BLOC1S5: variants seen among roughly 807,000 people sequenced by gnomAD.
The protein encoded by BLOC1S5 is biogenesis of lysosomal organelles complex 1 subunit 5, also known as biogenesis of lysosome-related organelles complex 1 subunit 5.
Under a neutral mutation model 24.3 loss-of-function variants are expected in BLOC1S5, and 27 were observed. The observed-to-expected ratio is 1.11, with a 90% CI of 0.82 to 1.53. BLOC1S5 has a LOEUF of 1.53. Ranked by LOEUF, BLOC1S5 falls within the 40% of genes most tolerant of loss-of-function variation. The probability of loss-of-function intolerance (pLI) is 0.00; values close to 1 mark genes in which losing one functional copy is unlikely to be tolerated. For synonymous variants in BLOC1S5, 84 were observed against 74.5 expected (o/e 1.13, Z -0.66); for missense variants, 239 against 229.4 (o/e 1.04, Z -0.27).
intron 3 of BLOC1S5, among the ~76,000 whole-genome samples, chr6:8,029,508 C>T (rs114371129): frequency 0.019 from 2,927 of 152,228 alleles, 88 homozygotes; most frequent in African/African-American, 0.066. Flanking sequence ...TTGTGATACC[C>T]GAGGGCAGAC....
chr6:8,044,003 G>A (rs1006487864), intron 2 of BLOC1S5, among the ~76,000 whole-genome samples: 3 of 152,126 alleles, frequency 2.0e-5, no homozygotes, highest in Admixed American at 1.3e-4. Flanking sequence ...TGCCTTTCAG[G>A]CCAGGCGCGA....
intron 2 of BLOC1S5, 72 bp downstream of exon 2, chr6:8,062,462 G>T: frequency 1.1e-6 from 1 of 912,758 alleles, no homozygotes; most frequent in Non-Finnish European, 1.6e-6. Context: ...TAAAACTGGG[G>T]AATTTCTCTT....
At chr6:8,058,357 G>GAAAAAAAAAA (rs60827828) in intron 2 of BLOC1S5, among the ~76,000 whole-genome samples, 4 of 84,586 alleles carry the variant, frequency 4.7e-5, no homozygotes, top group Admixed American at 1.4e-4. Flanking sequence ...CTGTCTCTAT[G>GAAAAAAAAAA]AAAAAAAAAA....
At chr6:8,016,978 G>A (rs1457949281) in intron 4 of BLOC1S5, among the ~76,000 whole-genome samples, 1 of 151,076 alleles carries the variant, frequency 6.6e-6, no homozygotes, top group Non-Finnish European at 1.5e-5. Flanking sequence ...TTCTTGAGAT[G>A]TTCCTTAATA....
At chr6:8,051,264 T>C (rs554712988) in intron 2 of BLOC1S5, among the ~76,000 whole-genome samples, 6 of 152,150 alleles carry the variant, frequency 3.9e-5, no homozygotes, top group East Asian at 3.9e-4. Flanking sequence ...GGGAGAAAGT[T>C]TGAGTGGTCT....
chr6:8,020,143 A>C (rs980244592), intron 4 of BLOC1S5, among the ~76,000 whole-genome samples: 1 of 152,280 alleles, frequency 6.6e-6, no homozygotes, highest in African/African-American at 2.4e-5. Flanking sequence ...ATAACATAAA[A>C]GTATAGAATA....
chr6:8,051,969 CTTTTTTTTTTT>C (rs770301308), intron 2 of BLOC1S5, among the ~76,000 whole-genome samples: 1 of 110,016 alleles, frequency 9.1e-6, no homozygotes, highest in African/African-American at 3.3e-5. Context: ...ACATCCATGC[CTTTTTTTTTTT>C]TTTTTTTTTT....
chr6:8,045,663 T>C (rs989742247), intron 2 of BLOC1S5, among the ~76,000 whole-genome samples: 5 of 152,224 alleles, frequency 3.3e-5, no homozygotes, highest in Non-Finnish European at 5.9e-5. Context: ...CAGTGTGGCC[T>C]GAATGTGAGA....
At chr6:8,056,982 C>T (rs1581435340) in intron 2 of BLOC1S5, among the ~76,000 whole-genome samples, 2 of 152,162 alleles carry the variant, frequency 1.3e-5, no homozygotes, top group African/African-American at 2.4e-5. Context: ...TTTGGGAGGC[C>T]GAGGCAGTTG....
intron 2 of BLOC1S5, among the ~76,000 whole-genome samples, chr6:8,046,820 T>A (rs1330447331): frequency 6.6e-6 from 1 of 152,132 alleles, no homozygotes; most frequent in Non-Finnish European, 1.5e-5. Flanking sequence ...ATCACACTAC[T>A]GCTGGAGTGC....
intron 4 of BLOC1S5, 28 bp downstream of exon 4, chr6:8,026,339 A>G: frequency 6.6e-7 from 1 of 1,525,006 alleles, no homozygotes; most frequent in Non-Finnish European, 9.1e-7. Flanking sequence ...CAAGAATTAT[A>G]TGCCTCATTA....
At chr6:8,055,618 T>C (rs1041864051) in intron 2 of BLOC1S5, among the ~76,000 whole-genome samples, 1 of 152,186 alleles carries the variant, frequency 6.6e-6, no homozygotes, top group Non-Finnish European at 1.5e-5. Context: ...GTGGTGAGAA[T>C]AGCCTTTTTA....
intron 2 of BLOC1S5, among the ~76,000 whole-genome samples, chr6:8,053,962 T>TGAAATGCTCCAAAATCG (rs1209629242): frequency 8.6e-4 from 131 of 152,338 alleles, no homozygotes; most frequent in Non-Finnish European, 1.5e-3. Flanking sequence ...CTCCAAAATC[T>TGAAATGCTCCAAAATCG]GAAACTTTTT....
chr6:8,049,321 C>T (rs1246173799), intron 2 of BLOC1S5, among the ~76,000 whole-genome samples: 4 of 150,720 alleles, frequency 2.7e-5, no homozygotes, highest in East Asian at 2.0e-4. Context: ...CAGTGAGCCG[C>T]GATCGCGCCA....
intron 3 of BLOC1S5, among the ~76,000 whole-genome samples, chr6:8,029,481 T>C (rs1581403606): frequency 6.6e-6 from 1 of 152,154 alleles, no homozygotes; most frequent in Admixed American, 6.6e-5. Context: ...GTCCCTGCCT[T>C]AACCCATGGA....
At position 8,052,752 on chromosome 6, in the gene BLOC1S5, G is replaced by A. The variant is rs559833326; in HGVS notation, c.195+9782C>T. Among the ~76,000 whole-genome samples the A allele has an allele frequency of 5.0e-4, 76 of 152,190 alleles. 1 individual carries two copies. The highest frequency in any genetic ancestry group is 6.8e-3 in the Middle Eastern group (2 of 294). On this transcript the variant is annotated intron_variant, in intron 2 of 4. Coordinates refer to ENST00000397457, the MANE Select transcript of BLOC1S5 (RefSeq NM_201280.3). ...CTAAAAAAACACAAAAAAATTAGCC[G>A]GGCACAGTGGCGGGTGCCTGTAGTC...
intron 3 of BLOC1S5, among the ~76,000 whole-genome samples, chr6:8,030,030 G>A (rs1231760077): frequency 1.3e-5 from 2 of 152,206 alleles, no homozygotes; most frequent in African/African-American, 4.8e-5. Flanking sequence ...GAACCAGTCA[G>A]TGAATGACCT....
intron 4 of BLOC1S5, among the ~76,000 whole-genome samples, chr6:8,022,591 T>TTTTG: frequency 8.4e-6 from 1 of 119,446 alleles, no homozygotes; most frequent in South Asian, 2.8e-4. Context: ...TTTTTTTTTT[T>TTTTG]CTTTTTTTTT....
At chr6:8,041,002 A>T in intron 3 of BLOC1S5, 137 bp downstream of exon 3, 2 of 872,724 alleles carry the variant, frequency 2.3e-6, no homozygotes, top group Non-Finnish European at 3.4e-6. Flanking sequence ...AACACACATT[A>T]ATCACTAGAA....
Sources: allele counts gnomAD v4.1 joint callset (sites outside exome capture counted in the v4.1 genomes callset), GRCh38; gene constraint gnomAD v4.1.1; transcripts MANE v1.5; gene names NCBI Gene and HGNC (gene_info 2026-07-23, HGNC 2026-07-21).